The following CCSER1 variants were observed in gnomAD, a reference collection of about 807,000 sequenced individuals.
The protein encoded by CCSER1 is serine-rich coiled-coil domain-containing protein 1.
In CCSER1, 41 loss-of-function variants were observed where a neutral mutation model predicts 82.0. That is an observed-to-expected ratio of 0.50 (90% confidence interval 0.39 to 0.65). The LOEUF (loss-of-function observed/expected upper bound fraction) is 0.65, where lower values mean the gene tolerates loss of function less well. Among genes scored for constraint, CCSER1 ranks in the 30% least tolerant of loss-of-function variants. CCSER1 has a pLI of 0.00. For missense variants in CCSER1, 1,119 were observed against 1,064.2 expected (o/e 1.05, Z -0.72); for synonymous variants, 414 against 383.9 (o/e 1.08, Z -0.92).
Position 90,879,573 on chromosome 4 carries a change from AGAAGAAGAAGAGGAG to A in CCSER1, c.2095-43794_2095-43780del, listed in dbSNP as rs1232299347. On this transcript the variant is annotated intron_variant, in intron 8 of 10. Transcript: ENST00000509176. Reference sequence around the variant, plus strand: ...AAGAAGAGGAAGAAGAAGAAGAGGAAGAAGAAGAAGAGGAGGAGGAGGAGGAGGAAGAAGAGGAGG... The same window carrying A: ...AAGAAGAGGAAGAAGAAGAAGAGGAAGAGGAGGAGGAGGAAGAAGAGGAGG... Among the ~76,000 whole-genome samples, 5 of 66,298 alleles carry A rather than the reference AGAAGAAGAAGAGGAG, an allele frequency of 7.5e-5. No homozygotes were observed. The East Asian group carries it at 5.8e-3, about 77-fold the overall frequency. The allele number at this position is 66,298 out of a possible 152,430, so 43.5% of individuals were successfully genotyped here.
At chr4:90,799,199 C>T (rs905313786) in intron 7 of CCSER1, among the ~76,000 whole-genome samples, 6 of 151,980 alleles carry the variant, frequency 3.9e-5, no homozygotes, top group Non-Finnish European at 5.9e-5. Flanking sequence ...CTCTGTGTCC[C>T]GGAAGGTGGA....
Position 90,887,503 on chromosome 4 carries a change from T to C in CCSER1, c.2095-35867T>C, listed in dbSNP as rs935017423. 2.1e-4 allele frequency among the ~76,000 whole-genome samples: 32 copies of C among 152,224 alleles called. 1 individual carries two copies. Among genetic ancestry groups the C allele is most frequent in the Non-Finnish European group, 4.4e-5 (3 of 68,028 alleles). ...ATTCTTGCACCATTTCTCTCTATTC[T>C]AAATGAAATTATAAATTCATATATT... On this transcript the variant is annotated intron_variant, in intron 8 of 10. Coordinates refer to ENST00000509176, the MANE Select transcript of CCSER1 (RefSeq NM_001145065.2).
intron 10 of CCSER1, among the ~76,000 whole-genome samples, chr4:91,549,901 C>T (rs1205620138): frequency 1.3e-5 from 2 of 151,542 alleles, no homozygotes; most frequent in African/African-American, 2.4e-5. Context: ...ACTGCCGCTT[C>T]TCAGTTTTGT....
At chr4:91,337,503 A>G (rs1276429099) in intron 10 of CCSER1, among the ~76,000 whole-genome samples, 1 of 152,094 alleles carries the variant, frequency 6.6e-6, no homozygotes, top group African/African-American at 2.4e-5. Context: ...TTGATATTCC[A>G]TGCATTAGGC....
chr4:91,098,097 A>G (rs17182898), intron 10 of CCSER1, among the ~76,000 whole-genome samples: 50,386 of 152,090 alleles, frequency 0.33, 8,886 homozygotes, highest in East Asian at 0.45. Flanking sequence ...CCTGTTTTAT[A>G]TTTACATTCA....
rs146916462 is a variant in CCSER1 at position 91,291,887 on chromosome 4, C to T, written c.2217+205893C>T. 8.9e-4 allele frequency among the ~76,000 whole-genome samples: 135 copies of T among 152,156 alleles called. 1 individual carries two copies. Among genetic ancestry groups the T allele is most frequent in the African/African-American group, 3.0e-3 (124 of 41,540 alleles). On this transcript the variant is annotated intron_variant, in intron 10 of 10. Coordinates refer to ENST00000509176, the MANE Select transcript of CCSER1 (RefSeq NM_001145065.2). ...TCTTGATTCCAGTCCATCCACATCA[C>T]AGATAAATTATTGAAAGATTAATTG...
At chr4:90,492,788 T>C (rs1016305385) in intron 5 of CCSER1, among the ~76,000 whole-genome samples, 6 of 152,216 alleles carry the variant, frequency 3.9e-5, no homozygotes, top group Admixed American at 1.3e-4. Flanking sequence ...CCAGTAGTCA[T>C]TCAGGAGCAG....
chr4:90,400,707 G>A lies in CCSER1; in HGVS notation c.1603+578G>A, dbSNP rs139225907. ...GAGGGAGCCTGATATATTTGTAATG[G>A]CTTAAATTTATATTAAAGCATAAAA... On this transcript the variant is annotated intron_variant, in intron 4 of 10. Transcript: ENST00000509176. Among the ~76,000 whole-genome samples, 22 of 152,144 alleles carry A rather than the reference G, an allele frequency of 1.4e-4. No individual in the cohort carries two copies. In the East Asian group the frequency reaches 4.0e-3, roughly 28 times the overall value.
chr4:91,118,984 G>A (rs933044683), intron 10 of CCSER1, among the ~76,000 whole-genome samples: 3 of 152,168 alleles, frequency 2.0e-5, no homozygotes, highest in Admixed American at 2.0e-4. Context: ...GTGCAAGTTA[G>A]TGTTTAAAAG....
intron 10 of CCSER1, among the ~76,000 whole-genome samples, chr4:91,442,020 C>G (rs1331957684): frequency 6.6e-6 from 1 of 152,104 alleles, no homozygotes; most frequent in Non-Finnish European, 1.5e-5. Context: ...TAGGAAGAAT[C>G]AATATCATGA....
At chr4:91,192,549 C>CT (rs1374705938) in intron 10 of CCSER1, among the ~76,000 whole-genome samples, 3 of 152,040 alleles carry the variant, frequency 2.0e-5, no homozygotes, top group South Asian at 2.1e-4. Context: ...GCTCTCTTTC[C>CT]TTTTTTGCCC....
rs144542951 is a variant in CCSER1 at position 91,267,683 on chromosome 4, A to C, written c.2217+181689A>C. 1.7e-3 allele frequency among the ~76,000 whole-genome samples: 260 copies of C among 152,272 alleles called. 2 individuals carry two copies. Among genetic ancestry groups the C allele is most frequent in the African/African-American group, 5.8e-3 (242 of 41,550 alleles). ...AGTGTCTTTTGGGAAATGGTTTACT[A>C]CACTTCAAAGGGATATAATAAAAGA... On this transcript the variant is annotated intron_variant, in intron 10 of 10. Coordinates refer to ENST00000509176, the MANE Select transcript of CCSER1 (RefSeq NM_001145065.2).
chr4:91,545,122 C>G (rs532889356), intron 10 of CCSER1, among the ~76,000 whole-genome samples: 1 of 152,070 alleles, frequency 6.6e-6, no homozygotes, highest in African/African-American at 2.4e-5. Context: ...TGGGACCCTC[C>G]GAGCCATGTG....
At chr4:90,421,670 G>C (rs988845705) in intron 4 of CCSER1, among the ~76,000 whole-genome samples, 1 of 152,094 alleles carries the variant, frequency 6.6e-6, no homozygotes, top group African/African-American at 2.4e-5. Flanking sequence ...TATCTATGTA[G>C]TCTTTTGCAA....
chr4:90,514,548 G>A (rs538619500), intron 5 of CCSER1, among the ~76,000 whole-genome samples: 7 of 152,046 alleles, frequency 4.6e-5, no homozygotes, highest in Non-Finnish European at 1.0e-4. Flanking sequence ...CTGAGGTTAG[G>A]AGTTTGAGAC....
intron 1 of CCSER1, among the ~76,000 whole-genome samples, chr4:90,154,080 T>A (rs1727496981): frequency 6.6e-6 from 1 of 152,208 alleles, no homozygotes; most frequent in African/African-American, 2.4e-5. Context: ...GGATCCAGTT[T>A]CAGCTTTCTA....
chr4:91,322,215 TA>T (rs1259293969), intron 10 of CCSER1, among the ~76,000 whole-genome samples: 1 of 152,148 alleles, frequency 6.6e-6, no homozygotes, highest in Non-Finnish European at 1.5e-5. Flanking sequence ...TTTTAATAAA[TA>T]TTTTTATATT....
chr4:90,339,251 A>T (rs1158928251), intron 3 of CCSER1, among the ~76,000 whole-genome samples: 1 of 152,026 alleles, frequency 6.6e-6, no homozygotes, highest in African/African-American at 2.4e-5. Context: ...AGACACCCAG[A>T]ATTTGACCAG....
At chr4:90,666,121 C>T (rs1385984133) in intron 6 of CCSER1, among the ~76,000 whole-genome samples, 2 of 152,036 alleles carry the variant, frequency 1.3e-5, no homozygotes, top group Admixed American at 1.3e-4. Flanking sequence ...CCTGACATCC[C>T]CCCTCTGCCA....
Sources: gnomAD v4.1 joint callset for allele counts (sites outside exome capture counted in the v4.1 genomes callset) on GRCh38, gnomAD v4.1.1 for gene constraint, MANE v1.5 for transcripts, NCBI Gene and HGNC (gene_info 2026-07-23, HGNC 2026-07-21) for gene names.